Variants in MRTFA observed in about 807,000 individuals in gnomAD.
MRTFA encodes the protein myocardin-related transcription factor A.
Under a neutral mutation model 83.5 loss-of-function variants are expected in MRTFA, and 20 were observed. The observed-to-expected ratio is 0.24, with a 90% CI of 0.17 to 0.35. The LOEUF is 0.35. Ranked by LOEUF, MRTFA falls within the 10% of genes least tolerant of loss-of-function variation. The pLI, the probability that MRTFA is intolerant of heterozygous loss-of-function variation, is 1.00. For synonymous variants in MRTFA, 659 were observed against 541.2 expected (o/e 1.22, Z -3.02); for missense variants, 1,200 against 1,224.7 (o/e 0.98, Z 0.30).
chr22:40,553,973 G>A (rs1322811998), intron 2 of MRTFA, among the ~76,000 whole-genome samples: 1 of 152,210 alleles, frequency 6.6e-6, no homozygotes, highest in Non-Finnish European at 1.5e-5. Flanking sequence ...GGAATCAAAG[G>A]AGATCATTTC....
intron 4 of MRTFA, among the ~76,000 whole-genome samples, chr22:40,450,853 A>T (rs1348260852): frequency 2.0e-5 from 3 of 152,176 alleles, no homozygotes; most frequent in Non-Finnish European, 4.4e-5. Context: ...AACCAGTATA[A>T]ACTGTGACTT....
intron 1 of MRTFA, among the ~76,000 whole-genome samples, chr22:40,609,762 C>T (rs1273791630): frequency 1.3e-5 from 2 of 151,386 alleles, no homozygotes; most frequent in East Asian, 2.0e-4. Context: ...ACCCGGGCAG[C>T]GGAGGTTGTG....
At chr22:40,430,901 AG>A (rs2053056526) in intron 6 of MRTFA, among the ~76,000 whole-genome samples, 1 of 151,558 alleles carries the variant, frequency 6.6e-6, no homozygotes, top group African/African-American at 2.4e-5. Context: ...GAAAAAAAAA[AG>A]GGAAAGACAT....
intron 4 of MRTFA, among the ~76,000 whole-genome samples, chr22:40,455,523 G>A (rs1367372983): frequency 3.3e-5 from 5 of 151,944 alleles, no homozygotes; most frequent in African/African-American, 4.8e-5. Context: ...GCGGGTGCCC[G>A]TAGTCCCAGC....
intron 2 of MRTFA, among the ~76,000 whole-genome samples, chr22:40,558,798 T>G (rs5758006): frequency 1.7e-5 from 1 of 59,612 alleles, no homozygotes. Context: ...GTTTTTTGGG[T>G]TTTTTTTTTT....
rs1473947987 is a variant in MRTFA at position 40,418,573 on chromosome 22, A to G, written c.2165T>C (p.Val722Ala). The G allele has an allele frequency of 2.6e-6, 4 of 1,555,980 alleles. No homozygotes were observed. In the African/African-American group the frequency reaches 5.5e-5, roughly 21 times the overall value. ...AGGCTGCAAGGCTTCCTGCTTCACC[A>G]CCACGGACGGGGGCCCCGGGGCCAC... Residue 722 changes from valine (V) to alanine (A), a missense_variant, in exon 12 of 15, where the codon GTG becomes GCG. Coordinates refer to ENST00000355630, the MANE Select transcript of MRTFA (RefSeq NM_020831.6).
At chr22:40,599,794 G>A (rs1439809924) in intron 1 of MRTFA, among the ~76,000 whole-genome samples, 1 of 151,964 alleles carries the variant, frequency 6.6e-6, no homozygotes. Flanking sequence ...AACTACTCAG[G>A]AGGCTGAGGT....
intron 3 of MRTFA, among the ~76,000 whole-genome samples, chr22:40,469,876 G>A (rs1463258875): frequency 6.6e-6 from 1 of 152,026 alleles, no homozygotes; most frequent in Non-Finnish European, 1.5e-5. Flanking sequence ...CCAGGAGTCA[G>A]AGACCAACCT....
At chr22:40,536,828 C>T (rs1316556983) in intron 3 of MRTFA, among the ~76,000 whole-genome samples, 3 of 23,936 alleles carry the variant, frequency 1.3e-4, no homozygotes, top group Non-Finnish European at 1.6e-4. Context: ...CGTCTCTGCC[C>T]GGCCGCCCCG....
intron 4 of MRTFA, among the ~76,000 whole-genome samples, chr22:40,454,966 A>G (rs934904635): frequency 1.3e-5 from 2 of 152,138 alleles, no homozygotes; most frequent in African/African-American, 4.8e-5. Flanking sequence ...ATGCCTGGCT[A>G]ATTTTTAAAA....
chr22:40,603,902 G>A (rs960055184), intron 1 of MRTFA, among the ~76,000 whole-genome samples: 14 of 151,624 alleles, frequency 9.2e-5, no homozygotes, highest in Non-Finnish European at 1.8e-4. Context: ...CATAAGCCAC[G>A]GCACCCAGCC....
chr22:40,544,277 C>T (rs1173386132), intron 3 of MRTFA, among the ~76,000 whole-genome samples: 1 of 152,112 alleles, frequency 6.6e-6, no homozygotes, highest in East Asian at 1.9e-4. Flanking sequence ...CTCTGTCACC[C>T]AGGCTAGAGT....
intron 3 of MRTFA, among the ~76,000 whole-genome samples, chr22:40,476,128 A>G (rs1198986245): frequency 6.9e-6 from 1 of 145,370 alleles, no homozygotes; most frequent in Non-Finnish European, 1.5e-5. Flanking sequence ...TGGGCGACAG[A>G]GCAAGACTCC....
chr22:40,428,962 C>A (rs901098884), intron 7 of MRTFA, among the ~76,000 whole-genome samples: 1 of 152,204 alleles, frequency 6.6e-6, no homozygotes, highest in East Asian at 1.9e-4. Context: ...TTGGCTGTCA[C>A]CTCCTCTGAC....
intron 1 of MRTFA, among the ~76,000 whole-genome samples, chr22:40,618,906 A>T (rs1224792493): frequency 1.3e-5 from 2 of 151,984 alleles, no homozygotes; most frequent in East Asian, 3.9e-4. Context: ...GGTTTCAGTG[A>T]GCCAAGACTG....
intron 3 of MRTFA, among the ~76,000 whole-genome samples, chr22:40,538,936 GTC>G (rs1413725679): frequency 1.4e-5 from 2 of 146,642 alleles, no homozygotes; most frequent in African/African-American, 5.1e-5. Flanking sequence ...ATGATCTACA[GTC>G]TCTATTAATT....
intron 2 of MRTFA, among the ~76,000 whole-genome samples, chr22:40,582,521 A>C (rs868017134): frequency 6.6e-6 from 1 of 152,204 alleles, no homozygotes; most frequent in Admixed American, 6.5e-5. Flanking sequence ...GACATACATC[A>C]GGGTGCTGAA....
At chr22:40,630,305 G>GA (rs1412542364) in intron 1 of MRTFA, among the ~76,000 whole-genome samples, 1 of 152,000 alleles carries the variant, frequency 6.6e-6, no homozygotes, top group Admixed American at 6.6e-5. Context: ...AAGAGAACGA[G>GA]ACTCTGTCTC....
intron 3 of MRTFA, among the ~76,000 whole-genome samples, chr22:40,503,368 C>T (rs1298733412): frequency 6.6e-6 from 1 of 152,188 alleles, no homozygotes; most frequent in Non-Finnish European, 1.5e-5. Context: ...TGCCACTATG[C>T]GCAGCTAACT....
Sources: allele counts gnomAD v4.1 joint callset (sites outside exome capture counted in the v4.1 genomes callset), GRCh38; gene constraint gnomAD v4.1.1; transcripts MANE v1.5; gene names NCBI Gene and HGNC (gene_info 2026-07-23, HGNC 2026-07-21).